ASAP1: variants seen among roughly 807,000 people sequenced by gnomAD.
ASAP1 encodes arf-GAP with SH3 domain, ANK repeat and PH domain-containing protein 1.
ASAP1 carries 43 observed loss-of-function variants against 145.2 expected under a neutral mutation model. The ratio of observed to expected loss-of-function variants is 0.30; its 90% CI spans 0.23 to 0.38. The LOEUF is 0.38. Ranked by LOEUF, ASAP1 falls within the 10% of genes least tolerant of loss-of-function variation. ASAP1 has a pLI of 1.00. For missense variants in ASAP1, 1,018 were observed against 1,355.3 expected (o/e 0.75, Z 3.91); for synonymous variants, 546 against 515.5 (o/e 1.06, Z -0.80).
intron 13 of ASAP1, among the ~76,000 whole-genome samples, chr8:130,144,148 T>C (rs531928537): frequency 6.6e-6 from 1 of 152,320 alleles, no homozygotes; most frequent in African/African-American, 2.4e-5. Flanking sequence ...GGGACATATA[T>C]TTTTGGCATA....
chr8:130,090,919 C>T (rs1413545946), intron 25 of ASAP1, among the ~76,000 whole-genome samples: 2 of 152,166 alleles, frequency 1.3e-5, no homozygotes, highest in East Asian at 3.9e-4. Context: ...CAATGAAACT[C>T]CACAGCAGGA....
intron 3 of ASAP1, among the ~76,000 whole-genome samples, chr8:130,281,268 T>C (rs1423035666): frequency 6.6e-6 from 1 of 152,238 alleles, no homozygotes; most frequent in African/African-American, 2.4e-5. Context: ...TAGAGATCCG[T>C]GGATCAACAT....
chr8:130,084,600 C>A (rs910261580), intron 25 of ASAP1: 1 of 152,230 alleles, frequency 6.6e-6, no homozygotes, highest in African/African-American at 2.4e-5. Flanking sequence ...CAGGAGTATT[C>A]TGGAATAGTG....
At chr8:130,343,183 A>G (rs1825494600) in intron 3 of ASAP1, among the ~76,000 whole-genome samples, 1 of 152,166 alleles carries the variant, frequency 6.6e-6, no homozygotes, top group African/African-American at 2.4e-5. Flanking sequence ...TTCTGAGCCC[A>G]AGAGAGAGGC....
chr8:130,329,554 C>T (rs900890149), intron 3 of ASAP1, among the ~76,000 whole-genome samples: 3 of 152,178 alleles, frequency 2.0e-5, no homozygotes, highest in African/African-American at 4.8e-5. Context: ...CTATACAACT[C>T]GCTCAGAGTT....
intron 3 of ASAP1, among the ~76,000 whole-genome samples, chr8:130,246,185 C>G (rs914349807): frequency 6.6e-6 from 1 of 151,976 alleles, no homozygotes; most frequent in Non-Finnish European, 1.5e-5. Flanking sequence ...CCCTTCGCCC[C>G]CCCATGGGAA....
At chr8:130,197,775 T>G (rs536237880) in intron 5 of ASAP1, among the ~76,000 whole-genome samples, 1 of 152,174 alleles carries the variant, frequency 6.6e-6, no homozygotes, top group South Asian at 2.1e-4. Context: ...TCCTTGTCTA[T>G]GAGAAACGTC....
At chr8:130,409,656 C>T (rs771882830) in intron 1 of ASAP1, among the ~76,000 whole-genome samples, 5 of 152,166 alleles carry the variant, frequency 3.3e-5, no homozygotes, top group African/African-American at 4.8e-5. Context: ...CTGACAATGC[C>T]GAGGCTGCTG....
intron 13 of ASAP1, among the ~76,000 whole-genome samples, chr8:130,148,246 G>A (rs766941406): frequency 1.3e-5 from 2 of 152,182 alleles, no homozygotes; most frequent in Non-Finnish European, 2.9e-5. Flanking sequence ...TGATACAGTA[G>A]AAAGAGTACA....
Position 130,188,181 on chromosome 8 carries a change from G to A in ASAP1, c.408C>T (p.Leu136=), listed in dbSNP as rs370052553. The A allele has an allele frequency of 2.5e-6, 4 of 1,613,310 alleles. No individual in the cohort carries two copies. The highest frequency in any genetic ancestry group is 3.3e-5 in the Admixed American group (2 of 59,980). ...KELSTLLKNL[L]QGLSHNVIFT... ...AGATCACATTGTGGCTCAAACCCTG[G>A]AGCTGAAAAAGCAAAGGGAAGATGG... The change falls in exon 6 of 30, where the codon CTC becomes CTT. Residue 136 remains leucine (L), a splice_region_variant and synonymous_variant. Coordinates refer to ENST00000518721, the MANE Select transcript of ASAP1 (RefSeq NM_018482.4).
intron 3 of ASAP1, among the ~76,000 whole-genome samples, chr8:130,289,463 A>G (rs1445826788): frequency 1.3e-5 from 2 of 152,238 alleles, no homozygotes; most frequent in Non-Finnish European, 2.9e-5. Flanking sequence ...GGGCACAAGA[A>G]TATCATATAT....
chr8:130,270,084 C>T (rs901200919), intron 3 of ASAP1, among the ~76,000 whole-genome samples: 1 of 152,204 alleles, frequency 6.6e-6, no homozygotes, highest in African/African-American at 2.4e-5. Flanking sequence ...GCACAAGAAT[C>T]GCTTGAACTT....
chr8:130,173,200 G>C (rs1161119612), intron 9 of ASAP1, among the ~76,000 whole-genome samples: 1 of 152,200 alleles, frequency 6.6e-6, no homozygotes, highest in Non-Finnish European at 1.5e-5. Flanking sequence ...TAAGAAATAG[G>C]AGCAGGAAAG....
chr8:130,256,758 T>TATATATATATCC (rs1819573915), intron 3 of ASAP1, among the ~76,000 whole-genome samples: 2 of 92,996 alleles, frequency 2.2e-5, no homozygotes, highest in African/African-American at 7.5e-5. Context: ...TATATATATA[T>TATATATATATCC]ATATATATAT....
Position 130,179,347 on chromosome 8 carries a change from A to G in ASAP1, c.663T>C (p.Tyr221=), listed in dbSNP as rs1297632187. The change falls in exon 9 of 30, where the codon TAT becomes TAC. Residue 221 remains tyrosine (Y), a splice_region_variant and synonymous_variant. Coordinates refer to ENST00000518721, the MANE Select transcript of ASAP1 (RefSeq NM_018482.4). The part of the protein sequence containing the change: ...RRLFQLQMCE[Y]LIKVNEIKTK... The stretch of plus-strand genomic sequence containing the variant: ...TCTTGATTTCATTAACTTTAATGAG[A>G]TACTGTGAAAATAAAACAGGGTTTT... The G allele has an allele frequency of 6.3e-7, 1 of 1,590,870 alleles. No individual in the cohort carries two copies. The highest frequency in any genetic ancestry group is 1.7e-5 in the Admixed American group (1 of 59,918).
At chr8:130,259,336 C>T (rs543768888) in intron 3 of ASAP1, among the ~76,000 whole-genome samples, 4 of 152,224 alleles carry the variant, frequency 2.6e-5, no homozygotes, top group African/African-American at 9.6e-5. Context: ...TAGCTAATAA[C>T]AAGTTATTTC....
chr8:130,285,911 G>C (rs1392274693), intron 3 of ASAP1, among the ~76,000 whole-genome samples: 2 of 152,054 alleles, frequency 1.3e-5, no homozygotes, highest in Admixed American at 6.6e-5. Context: ...ATGAGCCAAG[G>C]CTTTACTGGA....
At chr8:130,079,035 A>C (rs1305633986) in intron 26 of ASAP1, among the ~76,000 whole-genome samples, 1 of 152,100 alleles carries the variant, frequency 6.6e-6, no homozygotes, top group African/African-American at 2.4e-5. Context: ...CTCTACAAAA[A>C]AATAAAAAAA....
intron 24 of ASAP1, among the ~76,000 whole-genome samples, chr8:130,103,767 G>A (rs1188243050): frequency 6.6e-6 from 1 of 152,208 alleles, no homozygotes; most frequent in Non-Finnish European, 1.5e-5. Flanking sequence ...ACCTGCCTCG[G>A]CCTCCCAAAG....
Sources: allele counts gnomAD v4.1 joint callset (sites outside exome capture counted in the v4.1 genomes callset), GRCh38; gene constraint gnomAD v4.1.1; transcripts MANE v1.5; gene names NCBI Gene and HGNC (gene_info 2026-07-23, HGNC 2026-07-21).